CNTNAP5: variants seen among roughly 807,000 people sequenced by gnomAD.
CNTNAP5 encodes the protein contactin associated protein family member 5, also known as contactin-associated protein-like 5.
A neutral mutation model predicts 150.2 loss-of-function variants in CNTNAP5; 72 were observed. The observed-to-expected ratio is 0.48, with a 90% CI of 0.40 to 0.58. The LOEUF (loss-of-function observed/expected upper bound fraction) is 0.58, where lower values mean the gene tolerates loss of function less well. CNTNAP5 is among the 20% of genes least tolerant of loss of function. The pLI is 0.00. For missense variants in CNTNAP5, 1,636 were observed against 1,626.2 expected, an observed-to-expected ratio of 1.01 and a Z score of -0.10; for synonymous variants, 672 against 619.8, an observed-to-expected ratio of 1.08 and a Z score of -1.25.
intron 12 of CNTNAP5, among the ~76,000 whole-genome samples, chr2:124,632,688 A>C (rs576063281): frequency 1.3e-5 from 2 of 150,560 alleles, no homozygotes; most frequent in Non-Finnish European, 3.0e-5. Context: ...CACATCCTGC[A>C]CATGTACCCT....
intron 3 of CNTNAP5, among the ~76,000 whole-genome samples, chr2:124,310,879 C>T (rs1255176132): frequency 1.3e-5 from 2 of 152,182 alleles, no homozygotes; most frequent in Non-Finnish European, 2.9e-5. Flanking sequence ...GCCCAGCGCT[C>T]AGCAGCCCCA....
At chr2:124,629,332 G>T (rs1677797040) in intron 12 of CNTNAP5, among the ~76,000 whole-genome samples, 1 of 152,110 alleles carries the variant, frequency 6.6e-6, no homozygotes, top group Admixed American at 6.6e-5. Context: ...CTCAGCAAAT[G>T]AAGAACAACT....
intron 10 of CNTNAP5, among the ~76,000 whole-genome samples, chr2:124,537,347 AG>A (rs960464882): frequency 6.6e-6 from 1 of 152,126 alleles, no homozygotes; most frequent in Non-Finnish European, 1.5e-5. Context: ...AAAATCACAA[AG>A]GTGGTTGTAT....
chr2:124,641,865 G>T (rs1329661902), intron 12 of CNTNAP5, among the ~76,000 whole-genome samples: 1 of 152,078 alleles, frequency 6.6e-6, no homozygotes, highest in African/African-American at 2.4e-5. Flanking sequence ...GTAGAATGAG[G>T]TCTTATTAAT....
chr2:124,033,162 T>C (rs1341343174), intron 1 of CNTNAP5, among the ~76,000 whole-genome samples: 1 of 152,224 alleles, frequency 6.6e-6, no homozygotes, highest in African/African-American at 2.4e-5. Context: ...TGGGGGTTGA[T>C]TAATGCCATC....
chr2:124,309,694 G>A (rs908982244), intron 3 of CNTNAP5, among the ~76,000 whole-genome samples: 3 of 152,168 alleles, frequency 2.0e-5, no homozygotes, highest in Non-Finnish European at 4.4e-5. Context: ...AGCCAGAGCG[G>A]TGCCTCCCCT....
At chr2:124,429,755 C>G (rs1692324801) in intron 4 of CNTNAP5, among the ~76,000 whole-genome samples, 1 of 152,212 alleles carries the variant, frequency 6.6e-6, no homozygotes, top group Non-Finnish European at 1.5e-5. Context: ...GGGATCACAG[C>G]TCCAGTGGCT....
At chr2:124,057,186 C>T (rs1328705177) in intron 1 of CNTNAP5, among the ~76,000 whole-genome samples, 1 of 151,986 alleles carries the variant, frequency 6.6e-6, no homozygotes, top group Non-Finnish European at 1.5e-5. Context: ...TCCTGTGCAC[C>T]CTCACTGTGT....
chr2:124,844,753 T>C (rs2104696481), intron 19 of CNTNAP5, among the ~76,000 whole-genome samples: 1 of 152,188 alleles, frequency 6.6e-6, no homozygotes, highest in African/African-American at 2.4e-5. Context: ...GTTGAGATTT[T>C]GATTTGATTT....
At chr2:124,706,720 C>G (rs1417389202) in intron 13 of CNTNAP5, among the ~76,000 whole-genome samples, 5 of 142,386 alleles carry the variant, frequency 3.5e-5, no homozygotes, top group Non-Finnish European at 7.5e-5. Flanking sequence ...ACATTCCACC[C>G]TGAGTGACAG....
At chr2:124,522,893 G>C (rs1694880846) in intron 8 of CNTNAP5, among the ~76,000 whole-genome samples, 1 of 152,118 alleles carries the variant, frequency 6.6e-6, no homozygotes, top group Admixed American at 6.5e-5. Context: ...ACATTCTTGG[G>C]ATCCTCACAT....
At chr2:124,347,056 C>G (rs1258556123) in intron 3 of CNTNAP5, among the ~76,000 whole-genome samples, 1 of 151,902 alleles carries the variant, frequency 6.6e-6, no homozygotes, top group African/African-American at 2.4e-5. Context: ...CCACTGCACT[C>G]CAGCCTGGGT....
chr2:124,095,430 G>A (rs558467305), intron 1 of CNTNAP5, among the ~76,000 whole-genome samples: 1 of 152,212 alleles, frequency 6.6e-6, no homozygotes, highest in Non-Finnish European at 1.5e-5. Context: ...GTTGATAGGT[G>A]CAGCAAACCA....
intron 13 of CNTNAP5, among the ~76,000 whole-genome samples, chr2:124,681,739 A>G (rs1250671200): frequency 6.6e-6 from 1 of 151,762 alleles, no homozygotes; most frequent in Admixed American, 6.6e-5. Flanking sequence ...AATTTTTTGT[A>G]TTTTTATTAG....
At chr2:124,905,353 G>A (rs942077604) in intron 22 of CNTNAP5, among the ~76,000 whole-genome samples, 14 of 151,938 alleles carry the variant, frequency 9.2e-5, no homozygotes, top group Non-Finnish European at 1.9e-4. Flanking sequence ...AATTGGTACA[G>A]CCATTATGGA....
chr2:124,368,700 C>G (rs1690438865), intron 3 of CNTNAP5, among the ~76,000 whole-genome samples: 1 of 152,136 alleles, frequency 6.6e-6, no homozygotes, highest in Non-Finnish European at 1.5e-5. Context: ...AGATGTAAAA[C>G]AGATCTGAAC....
chr2:124,286,832 A>C (rs1257886729), intron 3 of CNTNAP5, among the ~76,000 whole-genome samples: 1 of 152,168 alleles, frequency 6.6e-6, no homozygotes, highest in Non-Finnish European at 1.5e-5. Flanking sequence ...AGCTCCCGTT[A>C]ATCATTGGAA....
chr2:124,511,162 AG>A (rs1344324470), intron 8 of CNTNAP5, among the ~76,000 whole-genome samples: 1 of 152,242 alleles, frequency 6.6e-6, no homozygotes, highest in Non-Finnish European at 1.5e-5. Flanking sequence ...CTAAGAAAAC[AG>A]GACATTTCAT....
At chr2:124,066,286 A>C (rs993045110) in intron 1 of CNTNAP5, among the ~76,000 whole-genome samples, 1 of 152,202 alleles carries the variant, frequency 6.6e-6, no homozygotes, top group African/African-American at 2.4e-5. Flanking sequence ...TTTAGTCTTG[A>C]TCAGAACAAA....
Sources: gnomAD v4.1 joint callset for allele counts (sites outside exome capture counted in the v4.1 genomes callset) on GRCh38, gnomAD v4.1.1 for gene constraint, MANE v1.5 for transcripts, NCBI Gene and HGNC (gene_info 2026-07-23, HGNC 2026-07-21) for gene names.